Variants in MAGI1 observed in about 807,000 individuals in gnomAD.
MAGI1 encodes membrane-associated guanylate kinase, WW and PDZ domain-containing protein 1.
MAGI1 carries 58 observed loss-of-function variants against 139.9 expected under a neutral mutation model. That is an observed-to-expected ratio of 0.41 (90% CI 0.34 to 0.52). The LOEUF is 0.52. MAGI1 is among the 20% of genes least tolerant of loss of function. The pLI, the probability that MAGI1 is intolerant of heterozygous loss-of-function variation, is 0.12. For synonymous variants in MAGI1, 812 were observed against 737.9 expected (o/e 1.10, Z -1.63); for missense variants, 1,874 against 1,901.6 (o/e 0.99, Z 0.27).
chr3:65,539,718 A>G (rs1208303484), intron 2 of MAGI1, among the ~76,000 whole-genome samples: 1 of 152,214 alleles, frequency 6.6e-6, no homozygotes, highest in African/African-American at 2.4e-5. Context: ...TAGCATATGA[A>G]GAGAGGCCTG....
chr3:65,644,321 A>G (rs1241091662), intron 1 of MAGI1, among the ~76,000 whole-genome samples: 1 of 152,076 alleles, frequency 6.6e-6, no homozygotes, highest in Non-Finnish European at 1.5e-5. Flanking sequence ...TGTTACAATT[A>G]TCTGACAAGG....
chr3:65,667,185 T>A (rs149980107), intron 1 of MAGI1, among the ~76,000 whole-genome samples: 88 of 152,288 alleles, frequency 5.8e-4, no homozygotes, highest in African/African-American at 2.0e-3. Context: ...AAGGCTCCCA[T>A]GAAGAAGGGG....
intron 1 of MAGI1, among the ~76,000 whole-genome samples, chr3:65,962,869 G>C (rs1223759754): frequency 2.3e-5 from 3 of 130,482 alleles, no homozygotes; most frequent in Non-Finnish European, 3.2e-5. Context: ...AAAAGAAGAA[G>C]AAGAGGAGAA....
At chr3:65,549,039 C>T (rs555640941) in intron 2 of MAGI1, among the ~76,000 whole-genome samples, 3 of 152,246 alleles carry the variant, frequency 2.0e-5, no homozygotes, top group African/African-American at 7.2e-5. Flanking sequence ...ATGGGCCGCC[C>T]GCGTCTCCTT....
intron 1 of MAGI1, among the ~76,000 whole-genome samples, chr3:65,768,898 C>T (rs1442449604): frequency 2.6e-5 from 4 of 152,148 alleles, no homozygotes; most frequent in African/African-American, 4.8e-5. Context: ...CCCCTTTAAA[C>T]TCCAGGGACA....
intron 1 of MAGI1, among the ~76,000 whole-genome samples, chr3:65,662,047 T>C (rs2086229941): frequency 6.6e-6 from 1 of 152,092 alleles, no homozygotes; most frequent in Non-Finnish European, 1.5e-5. Context: ...ATGCCCAGCC[T>C]CATCTTTGTA....
At chr3:65,951,052 G>C (rs73122195) in intron 1 of MAGI1, among the ~76,000 whole-genome samples, 1 of 135,958 alleles carries the variant, frequency 7.4e-6, no homozygotes, top group South Asian at 2.5e-4. Flanking sequence ...AGGGAGGGAG[G>C]GAGGAAGGTG....
chr3:65,629,688 T>A (rs1465488125), intron 1 of MAGI1, among the ~76,000 whole-genome samples: 1 of 152,196 alleles, frequency 6.6e-6, no homozygotes, highest in Non-Finnish European at 1.5e-5. Flanking sequence ...CAATCCAAAA[T>A]TCATTTAAGT....
intron 1 of MAGI1, among the ~76,000 whole-genome samples, chr3:65,856,051 T>C (rs1339859126): frequency 6.6e-6 from 1 of 152,114 alleles, no homozygotes; most frequent in Non-Finnish European, 1.5e-5. Context: ...CCCTATATGA[T>C]TGCTACATGT....
chr3:65,407,033 A>C (rs1945394827), intron 12 of MAGI1, among the ~76,000 whole-genome samples: 1 of 152,214 alleles, frequency 6.6e-6, no homozygotes, highest in Admixed American at 6.5e-5. Context: ...TAGGACTTTA[A>C]ATTTACAATT....
chr3:65,919,431 C>T (rs2062062467), intron 1 of MAGI1, among the ~76,000 whole-genome samples: 2 of 151,810 alleles, frequency 1.3e-5, no homozygotes, highest in African/African-American at 2.4e-5. Flanking sequence ...AGGAGTGGCG[C>T]ACGCTCCTGT....
intron 12 of MAGI1, among the ~76,000 whole-genome samples, chr3:65,403,477 T>A (rs1427999058): frequency 1.3e-5 from 2 of 152,208 alleles, no homozygotes; most frequent in Non-Finnish European, 2.9e-5. Context: ...CTTAAGAAAT[T>A]TTATTAGGTT....
At chr3:65,784,581 T>A (rs1487834233) in intron 1 of MAGI1, among the ~76,000 whole-genome samples, 1 of 152,106 alleles carries the variant, frequency 6.6e-6, no homozygotes, top group Non-Finnish European at 1.5e-5. Context: ...GACGGGCGCC[T>A]GTAGTCCCAG....
At chr3:65,802,653 C>G (rs957361204) in intron 1 of MAGI1, among the ~76,000 whole-genome samples, 2 of 152,120 alleles carry the variant, frequency 1.3e-5, no homozygotes, top group Admixed American at 6.5e-5. Flanking sequence ...TTCTTTTGTT[C>G]ATTCCTGTAA....
chr3:65,403,259 C>A (rs141816086), intron 12 of MAGI1, among the ~76,000 whole-genome samples: 288 of 152,234 alleles, frequency 1.9e-3, no homozygotes, highest in African/African-American at 6.5e-3. Flanking sequence ...CCCTCCTTAG[C>A]TAATTTACAT....
chr3:65,872,845 C>T (rs1338051513), intron 1 of MAGI1: 2 of 152,128 alleles, frequency 1.3e-5, no homozygotes, highest in Non-Finnish European at 2.9e-5. Context: ...ATTTGAAGTT[C>T]ATGAGCAGGC....
chr3:65,989,262 G>C (rs894718629), intron 1 of MAGI1, among the ~76,000 whole-genome samples: 1 of 152,194 alleles, frequency 6.6e-6, no homozygotes, highest in African/African-American at 2.4e-5. Flanking sequence ...AGATGGGAAG[G>C]ATATTTGACC....
At chr3:65,763,216 T>C (rs1449042047) in intron 1 of MAGI1, among the ~76,000 whole-genome samples, 1 of 152,178 alleles carries the variant, frequency 6.6e-6, no homozygotes, top group Non-Finnish European at 1.5e-5. Flanking sequence ...CAGACCTTGT[T>C]AAAATAATTC....
rs772547083 is a variant in MAGI1 at position 65,478,672 on chromosome 3, T to C, written c.677A>G (p.Asn226Ser). 14 of 1,613,986 alleles carry C rather than the reference T, an allele frequency of 8.7e-6. No homozygotes were observed. The highest frequency in any genetic ancestry group is 5.3e-5 in the African/African-American group (4 of 74,912). The change falls in exon 4 of 23, where the codon AAT becomes AGT. Residue 226 changes from asparagine (N) to serine (S), a missense_variant. Asn to Ser is a conservative substitution (Grantham distance 46, BLOSUM62 1). Coordinates refer to ENST00000402939, the MANE Select transcript of MAGI1 (RefSeq NM_001033057.2). ...QSTPKRTKSY[N>S]DMQNAGIVHA... ...GACTATGCCAGCATTTTGCATATCA[T>C]TGTAGGACTTGGTTCGCTTCGGGGT...
Sources: allele counts gnomAD v4.1 joint callset (sites outside exome capture counted in the v4.1 genomes callset), GRCh38; gene constraint gnomAD v4.1.1; transcripts MANE v1.5; gene names NCBI Gene and HGNC (gene_info 2026-07-23, HGNC 2026-07-21).